Variants in GULP1 observed in about 807,000 individuals in gnomAD.
The protein encoded by GULP1 is PTB domain-containing engulfment adapter protein 1.
A neutral mutation model predicts 40.9 loss-of-function variants in GULP1; 19 were observed. The observed-to-expected ratio is 0.46, with a 90% CI of 0.32 to 0.68. The LOEUF (loss-of-function observed/expected upper bound fraction) is 0.68. Ranked by LOEUF, GULP1 falls within the 30% of genes least tolerant of loss-of-function variation. GULP1 has a pLI of 0.03. For synonymous variants in GULP1, 119 were observed against 117.6 expected (o/e 1.01, Z -0.08); for missense variants, 312 against 362.2 (o/e 0.86, Z 1.12).
intron 2 of GULP1, among the ~76,000 whole-genome samples, chr2:188,438,779 A>G (rs184451113): frequency 1.3e-4 from 20 of 152,126 alleles, no homozygotes; most frequent in Admixed American, 9.2e-4. Flanking sequence ...AGACTGAAAT[A>G]AATATAAATC....
At chr2:188,507,445 A>G (rs1283609071) in intron 4 of GULP1, among the ~76,000 whole-genome samples, 1 of 111,822 alleles carries the variant, frequency 8.9e-6, no homozygotes, top group African/African-American at 3.5e-5. Flanking sequence ...CATAATTTCT[A>G]TGGACAAACA....
At chr2:188,529,455 TG>T (rs1259089721) in intron 6 of GULP1, among the ~76,000 whole-genome samples, 3 of 152,142 alleles carry the variant, frequency 2.0e-5, no homozygotes, top group South Asian at 2.1e-4. Context: ...TATTTGGGAA[TG>T]TTTTTTTCAT....
chr2:188,572,759 G>A (rs1699334774), intron 9 of GULP1, among the ~76,000 whole-genome samples: 1 of 152,142 alleles, frequency 6.6e-6, no homozygotes, highest in South Asian at 2.1e-4. Flanking sequence ...GCCATGCACA[G>A]AAAGACAAAT....
chr2:188,577,589 A>G (rs1229503668), intron 9 of GULP1, among the ~76,000 whole-genome samples: 4 of 152,102 alleles, frequency 2.6e-5, no homozygotes, highest in African/African-American at 4.8e-5. Context: ...AGTTCTGATC[A>G]TAAGTACCTG....
intron 2 of GULP1, among the ~76,000 whole-genome samples, chr2:188,415,394 G>A (rs2054445575): frequency 6.6e-6 from 1 of 152,080 alleles, no homozygotes. Context: ...ATATCTGTCT[G>A]TGAAATGTAG....
intron 1 of GULP1, among the ~76,000 whole-genome samples, chr2:188,325,965 G>A (rs1239557875): frequency 1.3e-5 from 2 of 152,118 alleles, no homozygotes; most frequent in African/African-American, 2.4e-5. Context: ...GAACAATGTA[G>A]CAGTAATATA....
At chr2:188,491,902 A>G (rs967391969) in intron 4 of GULP1, among the ~76,000 whole-genome samples, 1 of 152,120 alleles carries the variant, frequency 6.6e-6, no homozygotes, top group Non-Finnish European at 1.5e-5. Context: ...TACATTTAAG[A>G]ATAGTCTCCT....
chr2:188,517,516 T>C (rs2065294784), intron 4 of GULP1, among the ~76,000 whole-genome samples: 1 of 152,158 alleles, frequency 6.6e-6, no homozygotes, highest in Non-Finnish European at 1.5e-5. Context: ...GCTGTTTTTT[T>C]TCCCCCAGTC....
chr2:188,346,721 C>A (rs1007107206), intron 1 of GULP1, among the ~76,000 whole-genome samples: 5 of 151,830 alleles, frequency 3.3e-5, no homozygotes, highest in African/African-American at 1.2e-4. Flanking sequence ...GTTTTACTTC[C>A]CAGCACTTTG....
intron 2 of GULP1, among the ~76,000 whole-genome samples, chr2:188,425,355 G>T (rs1268773799): frequency 6.6e-6 from 1 of 151,584 alleles, no homozygotes; most frequent in Non-Finnish European, 1.5e-5. Flanking sequence ...CTAATCCATG[G>T]TTTGTTACTC....
intron 4 of GULP1, among the ~76,000 whole-genome samples, chr2:188,511,082 C>A (rs762742587): frequency 1.1e-4 from 16 of 152,108 alleles, no homozygotes; most frequent in Non-Finnish European, 1.9e-4. Context: ...CTGAGATTTT[C>A]CCTATTTTAT....
intron 2 of GULP1, among the ~76,000 whole-genome samples, chr2:188,446,512 T>C (rs1393470432): frequency 1.3e-5 from 2 of 152,188 alleles, no homozygotes; most frequent in Admixed American, 6.5e-5. Context: ...GGCACAATTC[T>C]AACTTCTTAG....
At chr2:188,493,040 G>A (rs1005452817) in intron 4 of GULP1, among the ~76,000 whole-genome samples, 2 of 152,040 alleles carry the variant, frequency 1.3e-5, no homozygotes, top group Admixed American at 6.6e-5. Context: ...TTCCATAGCA[G>A]TTTAATCTAA....
intron 1 of GULP1, among the ~76,000 whole-genome samples, chr2:188,381,203 G>T (rs967831691): frequency 6.6e-6 from 1 of 152,098 alleles, no homozygotes; most frequent in Admixed American, 6.5e-5. Flanking sequence ...TAGAATAATA[G>T]ATCCCATTTG....
At chr2:188,458,827 A>C (rs949341035) in intron 2 of GULP1, among the ~76,000 whole-genome samples, 1 of 150,024 alleles carries the variant, frequency 6.7e-6, no homozygotes, top group Non-Finnish European at 1.5e-5. Flanking sequence ...CCCTCACAGC[A>C]CTCCACCCCC....
chr2:188,590,904 C>T (rs573755081), intron 11 of GULP1: 16 of 151,554 alleles, frequency 1.1e-4, no homozygotes, highest in African/African-American at 1.9e-4. Flanking sequence ...CAGCAAATGC[C>T]GAGATAAATT....
intron 1 of GULP1, among the ~76,000 whole-genome samples, chr2:188,300,886 T>A (rs975765378): frequency 6.6e-6 from 1 of 152,190 alleles, no homozygotes. Context: ...AAGATCACAA[T>A]AAGAAATAAC....
At chr2:188,436,549 A>G (rs1392739426) in intron 2 of GULP1, among the ~76,000 whole-genome samples, 1 of 152,090 alleles carries the variant, frequency 6.6e-6, no homozygotes, top group Admixed American at 6.6e-5. Flanking sequence ...TTTATTATCT[A>G]TATTCTTTGA....
intron 1 of GULP1, among the ~76,000 whole-genome samples, chr2:188,301,668 G>A (rs139667365): frequency 1.3e-5 from 2 of 152,136 alleles, no homozygotes; most frequent in Non-Finnish European, 2.9e-5. Flanking sequence ...CCCAGTTTTA[G>A]TCATATGTCA....
Sources: allele counts gnomAD v4.1 joint callset (sites outside exome capture counted in the v4.1 genomes callset), GRCh38; gene constraint gnomAD v4.1.1; transcripts MANE v1.5; gene names NCBI Gene and HGNC (gene_info 2026-07-23, HGNC 2026-07-21).